The following DESI2 variants were observed in gnomAD, a reference collection of about 807,000 sequenced individuals.
DESI2 encodes the protein desumoylating isopeptidase 2, also known as deubiquitinase DESI2.
A neutral mutation model predicts 24.1 loss-of-function variants in DESI2; 10 were observed. That is an observed-to-expected ratio of 0.41 (90% CI 0.26 to 0.70). DESI2 has a LOEUF of 0.70. DESI2 is among the 30% of genes least tolerant of loss of function. The probability of loss-of-function intolerance (pLI) is 0.29; values close to 1 mark genes in which losing one functional copy is unlikely to be tolerated. For synonymous variants in DESI2, 71 were observed against 87.7 expected, an observed-to-expected ratio of 0.81 and a Z score of 1.06; for missense variants, 122 against 234.9, an observed-to-expected ratio of 0.52 and a Z score of 3.14.
chr1:244,706,059 A>G lies in DESI2; in HGVS notation c.*270A>G. ...TGTTTTATACAAGCTCTGTTAAGTT[A>G]TGTTTACAGTATCTTGTATCGCTGT... is the stretch of plus-strand genomic sequence containing the variant. On this transcript the variant is annotated 3_prime_UTR_variant, in exon 5 of 5. Transcript: ENST00000302550. 1 of 419,800 alleles carries G rather than the reference A, an allele frequency of 2.4e-6. No homozygotes were observed. The allele number at this position is 419,800 out of a possible 1,614,324, so 26.0% of individuals were successfully genotyped here. A position where few individuals can be genotyped will look rare whatever the true frequency, so the allele number is the denominator to read the frequency against.
At position 244,665,045 on chromosome 1, in the gene DESI2, ACTGT is replaced by A. The variant is rs558025395; in HGVS notation, c.42+11695_42+11698del. ...CATGGATATTTAGGTCTGTTTGAAG[ACTGT>A]CTGTGCTATTCATTTCTGCCTCTTC... On this transcript the variant is annotated intron_variant, in intron 1 of 4. Coordinates refer to ENST00000302550, the MANE Select transcript of DESI2 (RefSeq NM_016076.5). Among the ~76,000 whole-genome samples the A allele has an allele frequency of 7.6e-3, 1,156 of 152,286 alleles. 11 individuals are homozygous for A. Among genetic ancestry groups the A allele is most frequent in the Middle Eastern group, 0.017 (5 of 292 alleles).
At chr1:244,654,433 T>G (rs879378808) in intron 1 of DESI2, among the ~76,000 whole-genome samples, 2 of 152,222 alleles carry the variant, frequency 1.3e-5, no homozygotes. Context: ...TATTTATAAG[T>G]TTCTAAATTT....
chr1:244,701,768 C>T (rs1677475077), intron 4 of DESI2, among the ~76,000 whole-genome samples: 1 of 152,100 alleles, frequency 6.6e-6, no homozygotes, highest in African/African-American at 2.4e-5. Context: ...ATAGTATATC[C>T]TGGAGTACAT....
chr1:244,671,239 T>G (rs570099654), intron 1 of DESI2, among the ~76,000 whole-genome samples: 1 of 152,328 alleles, frequency 6.6e-6, no homozygotes, highest in East Asian at 1.9e-4. Flanking sequence ...TGATTGTTCG[T>G]GTAATCTCCG....
intron 4 of DESI2, among the ~76,000 whole-genome samples, chr1:244,694,077 AATC>A (rs1238176405): frequency 6.6e-6 from 1 of 152,246 alleles, no homozygotes; most frequent in African/African-American, 2.4e-5. Context: ...AAATAAGCAA[AATC>A]ATCACTATAT....
chr1:244,708,920 G>A lies in DESI2; in HGVS notation c.*3131G>A, dbSNP rs555983199. Reference sequence around the variant, plus strand: ...GAATGCAAGTGTACTGTCATTCATAGTGTTTATATCAAAATACCAGGAATC... The same window carrying A: ...GAATGCAAGTGTACTGTCATTCATAATGTTTATATCAAAATACCAGGAATC... On this transcript the variant is annotated 3_prime_UTR_variant, in exon 5 of 5. Transcript: ENST00000302550. 3 of 152,570 alleles carry A rather than the reference G, an allele frequency of 2.0e-5. No individual in the cohort carries two copies. The highest frequency in any genetic ancestry group is 4.4e-5 in the Non-Finnish European group (3 of 68,034). 9.5% of individuals were successfully genotyped at this position (152,570 alleles called of 1,614,324 possible). A position where few individuals can be genotyped will look rare whatever the true frequency, so the allele number is the denominator to read the frequency against.
chr1:244,685,095 T>C (rs1676773913), intron 1 of DESI2, among the ~76,000 whole-genome samples: 1 of 152,202 alleles, frequency 6.6e-6, no homozygotes, highest in African/African-American at 2.4e-5. Context: ...ACAGATTCTC[T>C]CTTTTTGCAT....
At chr1:244,653,840 C>A in intron 1 of DESI2, 1 of 436,752 alleles carries the variant, frequency 2.3e-6, no homozygotes, top group South Asian at 1.8e-5. Context: ...AAGGTCACAG[C>A]TTTCGGGTGC....
At chr1:244,658,784 GGACTAGGGTGTCCAGAT>G (rs944746867) in intron 1 of DESI2, among the ~76,000 whole-genome samples, 1 of 151,926 alleles carries the variant, frequency 6.6e-6, no homozygotes, top group African/African-American at 2.4e-5. Context: ...TTTGATTGTT[GGACTAGGGTGTCCAGAT>G]GAAGGGGAGG....
intron 1 of DESI2, among the ~76,000 whole-genome samples, chr1:244,659,149 C>A (rs573350120): frequency 5.7e-4 from 86 of 150,398 alleles, no homozygotes; most frequent in African/African-American, 2.1e-3. Flanking sequence ...GTACATCTGC[C>A]CTCCTACATT....
intron 4 of DESI2, among the ~76,000 whole-genome samples, chr1:244,698,171 T>G (rs982961216): frequency 6.6e-6 from 1 of 152,234 alleles, no homozygotes; most frequent in Non-Finnish European, 1.5e-5. Flanking sequence ...GCGAGGGGGA[T>G]TAGCTCAGTA....
rs575285249 is a variant in DESI2, at chr1:244,667,167, C to T, written c.42+13812C>T. 2.6e-5 allele frequency among the ~76,000 whole-genome samples: 4 copies of T among 152,252 alleles called. No homozygotes were observed. In the South Asian group the frequency reaches 8.3e-4, roughly 32 times the overall value. The stretch of plus-strand genomic sequence containing the variant: ...TACCTTCTTAGCAGTCCCCTAAAGT[C>T]TTAACTCATTTCAGCATTAACCCAA... On this transcript the variant is annotated intron_variant, in intron 1 of 4. Coordinates refer to ENST00000302550, the MANE Select transcript of DESI2 (RefSeq NM_016076.5).
chr1:244,653,271 G>T lies in DESI2; in HGVS notation c.-43G>T. On this transcript the variant is annotated 5_prime_UTR_variant, in exon 1 of 5. Coordinates refer to ENST00000302550, the MANE Select transcript of DESI2 (RefSeq NM_016076.5). ...TGAGAGCGGCCTCCGGCCCCGCGGA[G>T]ACGGAGCGGCTTGAGGACGAGGCGG... 1 of 1,471,306 alleles carries T rather than the reference G, an allele frequency of 6.8e-7. No individual in the cohort carries two copies. The highest frequency in any genetic ancestry group is 9.0e-7 in the Non-Finnish European group (1 of 1,113,886). The allele number at this position is 1,471,306 out of a possible 1,614,324, so 91.1% of individuals were successfully genotyped here. A position where few individuals can be genotyped will look rare whatever the true frequency, so the allele number is the denominator to read the frequency against.
At chr1:244,654,073 G>A (rs765633599) in intron 1 of DESI2, 2 of 468,636 alleles carry the variant, frequency 4.3e-6, no homozygotes, top group South Asian at 1.6e-5. Context: ...GGAAGAAGTT[G>A]TTTATTGTAT....
At position 244,708,343 on chromosome 1, in the gene DESI2, G is replaced by C. The variant is rs1001879022; in HGVS notation, c.*2554G>C. The C allele has an allele frequency of 2.6e-5, 4 of 152,596 alleles. No individual in the cohort carries two copies. Among genetic ancestry groups the C allele is most frequent in the African/African-American group, 9.7e-5 (4 of 41,440 alleles). 9.5% of individuals were successfully genotyped at this position (152,596 alleles called of 1,614,324 possible). On this transcript the variant is annotated 3_prime_UTR_variant, in exon 5 of 5. Transcript: ENST00000302550. Reference sequence around the variant, plus strand: ...TTAAACCCTTACAAGGGGAGCATCAGCTTTGGAAAGTGTGACTCTGTAGGA... The same window carrying C: ...TTAAACCCTTACAAGGGGAGCATCACCTTTGGAAAGTGTGACTCTGTAGGA...
rs113982263 is a variant in DESI2, at chr1:244,682,031, G to A, written c.43-4566G>A. On this transcript the variant is annotated intron_variant, in intron 1 of 4. Transcript: ENST00000302550. ...TTCCTTCCAGTGGGTTCGTGGTCTC[G>A]CTGACTTCAGGAATGAAGCTGCAGA... Among the ~76,000 whole-genome samples the A allele has an allele frequency of 3.6e-3, 554 of 152,216 alleles. 2 individuals carry two copies. Among genetic ancestry groups the A allele is most frequent in the African/African-American group, 0.013 (529 of 41,520 alleles).
At position 244,653,279 on chromosome 1, in the gene DESI2, G is replaced by A; in HGVS notation, c.-35G>A. The A allele has an allele frequency of 1.4e-6, 2 of 1,475,354 alleles. No homozygotes were observed. Among genetic ancestry groups the A allele is most frequent in the Non-Finnish European group, 1.8e-6 (2 of 1,116,486 alleles). The allele number at this position is 1,475,354 out of a possible 1,614,324, so 91.4% of individuals were successfully genotyped here. On this transcript the variant is annotated 5_prime_UTR_variant, in exon 1 of 5. Coordinates refer to ENST00000302550, the MANE Select transcript of DESI2 (RefSeq NM_016076.5). ...GCCTCCGGCCCCGCGGAGACGGAGCGGCTTGAGGACGAGGCGGCGGCCGCG... is the reference window on the plus strand; with the variant it reads ...GCCTCCGGCCCCGCGGAGACGGAGCAGCTTGAGGACGAGGCGGCGGCCGCG...
chr1:244,671,421 C>T (rs1311853497), intron 1 of DESI2, among the ~76,000 whole-genome samples: 7 of 152,302 alleles, frequency 4.6e-5, no homozygotes, highest in African/African-American at 1.7e-4. Context: ...TGTAACTCTT[C>T]ATCCCACCTT....
chr1:244,702,182 T>G (rs918495863), intron 4 of DESI2, among the ~76,000 whole-genome samples: 2 of 152,322 alleles, frequency 1.3e-5, no homozygotes, highest in Non-Finnish European at 2.9e-5. Context: ...GTAGCAATGC[T>G]AAGTGACCTA....
Sources: gnomAD v4.1 joint callset for allele counts (sites outside exome capture counted in the v4.1 genomes callset) on GRCh38, gnomAD v4.1.1 for gene constraint, MANE v1.5 for transcripts, NCBI Gene and HGNC (gene_info 2026-07-23, HGNC 2026-07-21) for gene names.